The following ADAMTS19 variants were observed in gnomAD, a reference collection of about 807,000 sequenced individuals.
ADAMTS19 encodes A disintegrin and metalloproteinase with thrombospondin motifs 19.
Under a neutral mutation model 153.3 loss-of-function variants are expected in ADAMTS19, and 93 were observed. The observed-to-expected ratio is 0.61, with a 90% CI of 0.51 to 0.72. The LOEUF (loss-of-function observed/expected upper bound fraction) is 0.72. Ranked by LOEUF, ADAMTS19 falls within the 30% of genes least tolerant of loss-of-function variation. ADAMTS19 has a pLI of 0.00. For synonymous variants in ADAMTS19, 600 were observed against 556.6 expected, an observed-to-expected ratio of 1.08 and a Z score of -1.10; for missense variants, 1,482 against 1,552.1, an observed-to-expected ratio of 0.95 and a Z score of 0.76.
intron 16 of ADAMTS19, among the ~76,000 whole-genome samples, chr5:129,679,251 T>C (rs992151162): frequency 1.1e-4 from 17 of 152,194 alleles, no homozygotes; most frequent in Non-Finnish European, 4.4e-5. Flanking sequence ...AAATCCAACA[T>C]ATTATCTTTG....
At chr5:129,626,504 A>T (rs1752056574) in intron 10 of ADAMTS19, among the ~76,000 whole-genome samples, 1 of 152,042 alleles carries the variant, frequency 6.6e-6, no homozygotes, top group Non-Finnish European at 1.5e-5. Context: ...TTTTAAAACT[A>T]CACATTGTGC....
intron 7 of ADAMTS19, among the ~76,000 whole-genome samples, chr5:129,584,766 C>T (rs1252153783): frequency 1.3e-5 from 2 of 152,126 alleles, no homozygotes; most frequent in African/African-American, 4.8e-5. Flanking sequence ...CTTGACCATC[C>T]CAGGTCGACT....
At chr5:129,659,586 A>T (rs1331551440) in intron 15 of ADAMTS19, among the ~76,000 whole-genome samples, 2 of 151,948 alleles carry the variant, frequency 1.3e-5, no homozygotes, top group East Asian at 3.9e-4. Context: ...TTCTTTTTAA[A>T]ATTATAGATG....
chr5:129,514,821 A>T (rs1751545952), intron 3 of ADAMTS19, among the ~76,000 whole-genome samples: 2 of 151,882 alleles, frequency 1.3e-5, no homozygotes, highest in South Asian at 4.1e-4. Context: ...TTTTTGCTTT[A>T]GATGCCTGTG....
At chr5:129,665,643 CTA>C (rs2127082931) in intron 16 of ADAMTS19, 64 bp downstream of exon 16, 1 of 1,238,134 alleles carries the variant, frequency 8.1e-7, no homozygotes, top group East Asian at 2.5e-5. Context: ...CCTGAGAGTT[CTA>C]TGATGAGGAG....
chr5:129,701,554 G>T lies in ADAMTS19; in HGVS notation c.3121G>T (p.Asp1041Tyr). 1 of 1,614,196 alleles carries T rather than the reference G, an allele frequency of 6.2e-7. No homozygotes were observed. Among genetic ancestry groups the T allele is most frequent in the South Asian group, 1.1e-5 (1 of 91,074 alleles). Residue 1041 changes from aspartate (D) to tyrosine (Y), a missense_variant, in exon 20 of 23, where the codon GAC becomes TAC. This residue lies in a region of ADAMTS19 where 616 missense variants were observed against 724.4 expected (regional missense o/e 0.85). Transcript: ENST00000274487. ...PASAQRCEGQ[D>Y]CMTVWEAGVW... is the part of the protein sequence containing the mutation. ...CTCTGCCCAGCGCTGTGAGGGCCAG[G>T]ACTGCATGACCGTGTGGGAGGCGGG...
chr5:129,536,483 C>A (rs891388511), intron 6 of ADAMTS19, among the ~76,000 whole-genome samples: 15 of 152,132 alleles, frequency 9.9e-5, no homozygotes, highest in African/African-American at 3.6e-4. Context: ...ACTAGTTCAA[C>A]CATTGTGGAA....
chr5:129,630,549 G>C (rs1238296121), intron 10 of ADAMTS19, among the ~76,000 whole-genome samples: 1 of 151,974 alleles, frequency 6.6e-6, no homozygotes, highest in East Asian at 1.9e-4. Context: ...GGAACAATTT[G>C]ACATTCATCT....
At chr5:129,708,588 A>G (rs1230329953) in intron 21 of ADAMTS19, among the ~76,000 whole-genome samples, 6 of 123,934 alleles carry the variant, frequency 4.8e-5, no homozygotes, top group Non-Finnish European at 1.0e-4. Flanking sequence ...CCAGCAGAGA[A>G]GCAAAAAAAA....
intron 16 of ADAMTS19, among the ~76,000 whole-genome samples, chr5:129,673,187 C>T (rs1367267096): frequency 1.3e-5 from 2 of 151,808 alleles, no homozygotes; most frequent in Non-Finnish European, 2.9e-5. Flanking sequence ...CTGACTTCTG[C>T]CCTTTATTAG....
intron 8 of ADAMTS19, among the ~76,000 whole-genome samples, chr5:129,611,097 T>A (rs932312584): frequency 6.6e-6 from 1 of 152,214 alleles, no homozygotes; most frequent in Non-Finnish European, 1.5e-5. Context: ...TTTTGAGAAG[T>A]GTCTGTTCGT....
At chr5:129,539,154 C>G (rs1302025051) in intron 6 of ADAMTS19, among the ~76,000 whole-genome samples, 1 of 152,008 alleles carries the variant, frequency 6.6e-6, no homozygotes, top group Non-Finnish European at 1.5e-5. Context: ...ATCTCCAGAA[C>G]CAGTGAATAT....
At chr5:129,518,013 T>C (rs1385680928) in intron 3 of ADAMTS19, among the ~76,000 whole-genome samples, 1 of 152,080 alleles carries the variant, frequency 6.6e-6, no homozygotes, top group Non-Finnish European at 1.5e-5. Context: ...TATAAACCAT[T>C]ATTTTAACCT....
chr5:129,665,589 G>T lies in ADAMTS19; in HGVS notation c.2506+10G>T, dbSNP rs1237957579. The T allele has an allele frequency of 1.0e-5, 16 of 1,600,040 alleles. No homozygotes were observed. Among genetic ancestry groups the T allele is most frequent in the Non-Finnish European group, 1.3e-5 (15 of 1,169,846 alleles). ...GCACATAGCTATTTAGGTAACCTGT[G>T]TTACAGACACAGAGAAGATCCAAGT... On this transcript the variant is annotated intron_variant, in intron 16 of 22. Coordinates refer to ENST00000274487, the MANE Select transcript of ADAMTS19 (RefSeq NM_133638.6).
chr5:129,600,265 T>A (rs976971259), intron 8 of ADAMTS19, among the ~76,000 whole-genome samples: 7 of 152,124 alleles, frequency 4.6e-5, no homozygotes, highest in Admixed American at 1.3e-4. Context: ...GAGGTATGAT[T>A]AAGAGCTATG....
At chr5:129,485,533 G>A (rs1375509580) in intron 2 of ADAMTS19, among the ~76,000 whole-genome samples, 4 of 151,936 alleles carry the variant, frequency 2.6e-5, no homozygotes, top group Admixed American at 2.6e-4. Flanking sequence ...TTAATATTCT[G>A]TAATGAACAA....
intron 10 of ADAMTS19, among the ~76,000 whole-genome samples, chr5:129,632,138 G>A (rs945310310): frequency 6.6e-6 from 1 of 152,002 alleles, no homozygotes; most frequent in Non-Finnish European, 1.5e-5. Flanking sequence ...ATCAGCCATA[G>A]ATAATATGTA....
At chr5:129,527,632 TTA>T (rs1491428032) in intron 4 of ADAMTS19, 114 bp from the exon 5 acceptor site, 122 of 225,720 alleles carry the variant, frequency 5.4e-4, no homozygotes, top group Middle Eastern at 1.5e-3. Flanking sequence ...TTTTTTTTTT[TTA>T]AAAAAAAAAA....
Position 129,648,938 on chromosome 5 carries a change from A to C in ADAMTS19, c.2144A>C (p.His715Pro). 6.2e-7 allele frequency: 1 copy of C among 1,610,744 alleles called. No individual in the cohort carries two copies. The highest frequency in any genetic ancestry group is 1.1e-5 in the South Asian group (1 of 90,534). ...AYSVRTSSPKHILQWQAVLDE... is the reference protein window; with the variant it reads ...AYSVRTSSPKPILQWQAVLDE... ...AGTGTTAGAACTTCCTCCCCAAAGC[A>C]TATACTTCAGTGGCAAGCTGTCCTG... Residue 715 changes from histidine to proline, a missense_variant, in exon 13 of 23, where the codon CAT becomes CCT. Coordinates refer to ENST00000274487, the MANE Select transcript of ADAMTS19 (RefSeq NM_133638.6).
Sources: allele counts gnomAD v4.1 joint callset (sites outside exome capture counted in the v4.1 genomes callset), GRCh38; gene constraint gnomAD v4.1.1; regional missense constraint gnomAD v4.1.1; transcripts MANE v1.5; gene names NCBI Gene and HGNC (gene_info 2026-07-23, HGNC 2026-07-21).